Variants in ERC2 observed in about 807,000 individuals in gnomAD.
ERC2 encodes the protein ERC protein 2.
Under a neutral mutation model 114.8 loss-of-function variants are expected in ERC2, and 42 were observed. The observed-to-expected ratio is 0.37, with a 90% CI of 0.29 to 0.47. ERC2 has a LOEUF of 0.47. Ranked by LOEUF, ERC2 falls within the 20% of genes least tolerant of loss-of-function variation. The pLI, the probability that ERC2 is intolerant of heterozygous loss-of-function variation, is 0.99. For synonymous variants in ERC2, 454 were observed against 425.5 expected (o/e 1.07, Z -0.82); for missense variants, 939 against 1,150.7 (o/e 0.82, Z 2.66).
chr3:55,691,560 AAAAAAAAAAAAAAATATATAT>A (rs1177407927), intron 16 of ERC2, among the ~76,000 whole-genome samples: 1 of 84,632 alleles, frequency 1.2e-5, no homozygotes, highest in African/African-American at 4.2e-5. Flanking sequence ...AAAAAAAAAA[AAAAAAAAAAAAAAATATATAT>A]ATATATATAT....
chr3:55,970,224 C>T (rs147099724), intron 12 of ERC2, among the ~76,000 whole-genome samples: 10 of 152,006 alleles, frequency 6.6e-5, no homozygotes, highest in South Asian at 2.1e-4. Flanking sequence ...ATTATAATAG[C>T]GCAAATAACA....
intron 17 of ERC2, among the ~76,000 whole-genome samples, chr3:55,654,359 A>G (rs2060769733): frequency 6.6e-6 from 1 of 152,248 alleles, no homozygotes; most frequent in African/African-American, 2.4e-5. Flanking sequence ...TTCTGTGTGT[A>G]CTTCTCCTGA....
chr3:56,337,635 C>G (rs6784908), intron 2 of ERC2, among the ~76,000 whole-genome samples: 50,200 of 151,902 alleles, frequency 0.33, 8,369 homozygotes, highest in Admixed American at 0.35. Context: ...AGATGAGGTA[C>G]AGAAAAAAAA....
In ERC2 at chr3:56,434,900, T is replaced by G; in HGVS notation, c.108A>C (p.Gly36=). The G allele has an allele frequency of 1.2e-6, 2 of 1,613,196 alleles. No homozygotes were observed. Among genetic ancestry groups the G allele is most frequent in the Non-Finnish European group, 1.7e-6 (2 of 1,179,656 alleles). ...ACAGAGTCTTGCCTGTTCCTCCACC[T>G]CCCCCACTACTTGTTCTTCGGTGGC... ...RLGHRRTSSG[G]GGGTGKTLSM... is the part of the protein sequence containing the mutation. Residue 36 remains glycine (G), a synonymous_variant, in exon 2 of 18, where the codon GGA becomes GGC. Transcript: ENST00000288221.
intron 15 of ERC2, among the ~76,000 whole-genome samples, chr3:55,724,940 T>C (rs2064816939): frequency 6.6e-6 from 1 of 152,220 alleles, no homozygotes; most frequent in Non-Finnish European, 1.5e-5. Context: ...CAAACATGTC[T>C]AATCCAATAA....
intron 3 of ERC2, among the ~76,000 whole-genome samples, chr3:56,285,007 TCTCTCA>T (rs1480055285): frequency 3.6e-4 from 39 of 108,926 alleles, no homozygotes; most frequent in African/African-American, 1.1e-3. Flanking sequence ...TCTCTCTCTC[TCTCTCA>T]CACACACACA....
chr3:55,583,371 C>T (rs2057359969), intron 17 of ERC2, among the ~76,000 whole-genome samples: 1 of 147,890 alleles, frequency 6.8e-6, no homozygotes, highest in Non-Finnish European at 1.5e-5. Flanking sequence ...GCCTGCCTGC[C>T]TTCTTTCCTT....
intron 4 of ERC2, among the ~76,000 whole-genome samples, chr3:56,171,595 T>C (rs549827478): frequency 2.0e-5 from 3 of 152,308 alleles, no homozygotes; most frequent in South Asian, 2.1e-4. Flanking sequence ...AGAAATGAAT[T>C]TGCCCTAGAA....
At chr3:55,876,452 T>C (rs949481111) in intron 14 of ERC2, among the ~76,000 whole-genome samples, 1 of 152,222 alleles carries the variant, frequency 6.6e-6, no homozygotes, top group Admixed American at 6.5e-5. Context: ...ATTTCTCTTC[T>C]ATCCTTTCTG....
intron 2 of ERC2, among the ~76,000 whole-genome samples, chr3:56,411,930 T>C (rs2060956487): frequency 6.6e-6 from 1 of 152,214 alleles, no homozygotes; most frequent in African/African-American, 2.4e-5. Flanking sequence ...TGAGTGTGGT[T>C]GATTGAATAC....
chr3:55,671,731 G>A (rs560448248), intron 17 of ERC2, among the ~76,000 whole-genome samples: 63 of 152,302 alleles, frequency 4.1e-4, no homozygotes, highest in African/African-American at 1.2e-3. Context: ...TCCAGGCTTC[G>A]TGTTAACCAC....
intron 3 of ERC2, among the ~76,000 whole-genome samples, chr3:56,223,723 T>G (rs1296851941): frequency 6.6e-6 from 1 of 152,128 alleles, no homozygotes; most frequent in African/African-American, 2.4e-5. Flanking sequence ...CCAGCCCTAG[T>G]AATAAAGCAG....
intron 17 of ERC2, among the ~76,000 whole-genome samples, chr3:55,533,060 T>A (rs1358902369): frequency 1.3e-5 from 2 of 152,260 alleles, no homozygotes; most frequent in African/African-American, 4.8e-5. Flanking sequence ...CTGGCTAACC[T>A]GCAAAGACAG....
Position 55,819,103 on chromosome 3 carries a change from A to G in ERC2, c.2564+69286T>C, listed in dbSNP as rs562393022. Among the ~76,000 whole-genome samples the G allele has an allele frequency of 1.1e-4, 16 of 152,324 alleles. 1 individual carries two copies. In the South Asian group the frequency reaches 2.9e-3, roughly 28 times the overall value. ...TTCGGCTATGGTTTAAAGTAAATGC[A>G]TTCAAATAAACATCTTTTGGTGCCA... On this transcript the variant is annotated intron_variant, in intron 14 of 17. Transcript: ENST00000288221.
chr3:56,018,775 G>T (rs2073493613), intron 8 of ERC2, 119 bp downstream of exon 8: 3 of 1,119,430 alleles, frequency 2.7e-6, no homozygotes, highest in South Asian at 1.6e-5. Context: ...GGACCAGCTG[G>T]GACTAAAGGT....
intron 3 of ERC2, among the ~76,000 whole-genome samples, chr3:56,248,212 C>A (rs1054622134): frequency 1.3e-5 from 2 of 152,096 alleles, no homozygotes; most frequent in African/African-American, 4.8e-5. Context: ...ACCTCCTCAG[C>A]CTCCCGAATA....
intron 3 of ERC2, among the ~76,000 whole-genome samples, chr3:56,209,215 AC>A (rs1432686601): frequency 4.0e-5 from 6 of 151,786 alleles, no homozygotes; most frequent in Non-Finnish European, 8.8e-5. Context: ...TGTCATTCAT[AC>A]CCTTCCTTGT....
intron 15 of ERC2, among the ~76,000 whole-genome samples, chr3:55,706,679 T>C (rs534653950): frequency 1.3e-5 from 2 of 152,250 alleles, no homozygotes; most frequent in East Asian, 1.9e-4. Context: ...CCCAAAGCAA[T>C]GGAATTACAG....
At chr3:55,870,585 T>C (rs570443326) in intron 14 of ERC2, among the ~76,000 whole-genome samples, 21 of 152,134 alleles carry the variant, frequency 1.4e-4, no homozygotes, top group African/African-American at 5.1e-4. Context: ...GCAGAGCAGG[T>C]GTAGGGCCAA....
Sources: gnomAD v4.1 joint callset for allele counts (sites outside exome capture counted in the v4.1 genomes callset) on GRCh38, gnomAD v4.1.1 for gene constraint, MANE v1.5 for transcripts, NCBI Gene and HGNC (gene_info 2026-07-23, HGNC 2026-07-21) for gene names.